The following MAST3 variants were observed in gnomAD, a reference collection of about 807,000 sequenced individuals.
MAST3 encodes microtubule associated serine/threonine kinase 3, also known as microtubule-associated serine/threonine-protein kinase 3.
Under a neutral mutation model 127.0 loss-of-function variants are expected in MAST3, and 43 were observed. The observed-to-expected ratio is 0.34, with a 90% CI of 0.27 to 0.44. The LOEUF is 0.44. MAST3 is among the 20% of genes least tolerant of loss of function. The probability of loss-of-function intolerance (pLI) is 1.00; values close to 1 mark genes in which losing one functional copy is unlikely to be tolerated. For synonymous variants in MAST3, 785 were observed against 809.2 expected, an observed-to-expected ratio of 0.97 and a Z score of 0.51; for missense variants, 1,390 against 1,919.1, an observed-to-expected ratio of 0.72 and a Z score of 5.15.
chr19:18,135,185 C>A (rs1453705462), intron 17 of MAST3, among the ~76,000 whole-genome samples: 1 of 152,076 alleles, frequency 6.6e-6, no homozygotes, highest in Non-Finnish European at 1.5e-5. Context: ...ACTTGTGAGG[C>A]TGGGCACAGT....
intron 11 of MAST3, among the ~76,000 whole-genome samples, 159 bp downstream of exon 11, chr19:18,124,933 C>CG (rs1031616873): frequency 5.1e-5 from 7 of 135,942 alleles, no homozygotes; most frequent in East Asian, 2.1e-4. Flanking sequence ...TGGTGGAAAC[C>CG]CCCCCCCTAC....
At chr19:18,120,180 G>C (rs774573353) in intron 3 of MAST3, among the ~76,000 whole-genome samples, 1 of 152,238 alleles carries the variant, frequency 6.6e-6, no homozygotes, top group Non-Finnish European at 1.5e-5. Flanking sequence ...TTCAGCAGAA[G>C]AGGCAGGACT....
In MAST3 at chr19:18,100,128, C is replaced by CTCTTTTTTT. The variant is rs776661078; in HGVS notation, c.39+2298_39+2299insCTTTTTTTT. Among the ~76,000 whole-genome samples the CTCTTTTTTT allele has an allele frequency of 1.6e-3, 197 of 121,692 alleles. 1 individual carries two copies. Among genetic ancestry groups the CTCTTTTTTT allele is most frequent in the Middle Eastern group, 4.3e-3 (1 of 234 alleles). The allele number at this position is 121,692 out of a possible 152,430, so 79.8% of individuals were successfully genotyped here. A position where few individuals can be genotyped will look rare whatever the true frequency, so the allele number is the denominator to read the frequency against. ...GGCAGAAGGATCTCTCTCTCTCTCT[C>CTCTTTTTTT]TTTTTTTTTTTTTTGAGAAAGAATC... is the stretch of plus-strand genomic sequence containing the variant. On this transcript the variant is annotated intron_variant, in intron 1 of 27. Transcript: ENST00000687212.
rs746073975 is a variant in MAST3, at chr19:18,145,755, G to A, written c.3052G>A (p.Gly1018Arg). The A allele has an allele frequency of 1.2e-5, 19 of 1,586,388 alleles. No individual in the cohort carries two copies. The highest frequency in any genetic ancestry group is 4.7e-5 in the East Asian group (2 of 42,380). The change falls in exon 25 of 28, where the codon GGA becomes AGA. Residue 1018 changes from glycine (G) to arginine (R), a missense_variant. Gly to Arg is a moderately radical substitution (Grantham distance 125). This residue lies in a region of MAST3 where 816 missense variants were observed against 934.1 expected (regional missense o/e 0.87). Coordinates refer to ENST00000687212, the MANE Select transcript of MAST3 (RefSeq NM_001393504.1). The surrounding 1 kb of genome is among the most constrained non-coding windows in gnomAD (Gnocchi z 5.9). The part of the protein sequence containing the change: ...VHHVVWSVED[G>R]SPAQEAGLRA... ...CGTCTGCCCCCAGAGTGTGGAGGAC[G>A]GAAGCCCCGCCCAGGAGGCGGGCCT...
At chr19:18,131,706 G>A (rs1309120138) in intron 14 of MAST3, among the ~76,000 whole-genome samples, 4 of 152,054 alleles carry the variant, frequency 2.6e-5, no homozygotes, top group African/African-American at 9.7e-5. Flanking sequence ...TCAAAAAGAA[G>A]AAAAAATTAA....
chr19:18,139,267 C>A, intron 20 of MAST3, 143 bp downstream of exon 20: 1 of 628,488 alleles, frequency 1.6e-6, no homozygotes, highest in Non-Finnish European at 2.9e-6. Flanking sequence ...TCTCCAACTC[C>A]TGAACTCAAG....
chr19:18,117,894 A>G, intron 3 of MAST3, among the ~76,000 whole-genome samples: 1 of 147,940 alleles, frequency 6.8e-6, no homozygotes, highest in South Asian at 2.1e-4. Context: ...CGCCCCGCCC[A>G]CTCGCCGGCA....
chr19:18,112,884 C>A lies in MAST3; in HGVS notation c.161+2143C>A, dbSNP rs77955472. On this transcript the variant is annotated intron_variant, in intron 3 of 27. Transcript: ENST00000687212. This position sits in a 1 kb window ranked among gnomAD's most constrained non-coding sequence, Gnocchi z 4.1. The stretch of plus-strand genomic sequence containing the variant: ...GCTAGGACAACATCCAGGAACAAGT[C>A]GAGGCATCCACTGAGAATCAGAGAC... Among the ~76,000 whole-genome samples the A allele has an allele frequency of 6.6e-6, 1 of 152,046 alleles. No individual in the cohort carries two copies. Among genetic ancestry groups the A allele is most frequent in the African/African-American group, 2.4e-5 (1 of 41,358 alleles).
At position 18,124,184 on chromosome 19, in the gene MAST3, A is replaced by G. The variant is rs142813212; in HGVS notation, c.843+36A>G. 23,007 of 1,595,258 alleles carry G rather than the reference A, an allele frequency of 0.014. 219 individuals are homozygous for G. The highest frequency in any genetic ancestry group is 0.039 in the African/African-American group (2,943 of 74,582). ...TTTCGCATGTTGAGGTTTTGCATGCAGTGGGACGTGGAGTGAGGGGGGTCC... is the reference window on the plus strand; with the variant it reads ...TTTCGCATGTTGAGGTTTTGCATGCGGTGGGACGTGGAGTGAGGGGGGTCC... On this transcript the variant is annotated intron_variant, in intron 9 of 27. Transcript: ENST00000687212.
intron 21 of MAST3, 91 bp from the exon 22 acceptor site, chr19:18,143,672 G>C: frequency 6.6e-7 from 1 of 1,519,386 alleles, no homozygotes. Flanking sequence ...CTTGACTGCA[G>C]ACTGAGAGTT....
intron 3 of MAST3, among the ~76,000 whole-genome samples, chr19:18,111,208 C>T (rs902075476): frequency 6.6e-6 from 1 of 152,108 alleles, no homozygotes; most frequent in African/African-American, 2.4e-5. Flanking sequence ...CGCTCCCTAA[C>T]CCTTTCCTGA....
rs559921530 is a variant in MAST3 at position 18,122,763 on chromosome 19, C to T, written c.399+12C>T. On this transcript the variant is annotated intron_variant, in intron 6 of 27. Transcript: ENST00000687212. Reference sequence around the variant, plus strand: ...GCTCCACCCTCTCGGTACCCATAGCCCCACCTTGGCAGGTGGACAGGCAGA... The same window carrying T: ...GCTCCACCCTCTCGGTACCCATAGCTCCACCTTGGCAGGTGGACAGGCAGA... 6.2e-7 allele frequency: 1 copy of T among 1,611,704 alleles called. No homozygotes were observed. The highest frequency in any genetic ancestry group is 1.3e-5 in the African/African-American group (1 of 75,024).
rs564233770 is a variant in MAST3 at position 18,144,144 on chromosome 19, C to T, written c.2584+137C>T. 3.2e-5 allele frequency: 41 copies of T among 1,267,918 alleles called. No individual in the cohort carries two copies. The highest frequency in any genetic ancestry group is 4.3e-5 in the Non-Finnish European group (41 of 943,134). The allele number at this position is 1,267,918 out of a possible 1,614,324, so 78.5% of individuals were successfully genotyped here. A position where few individuals can be genotyped will look rare whatever the true frequency, so the allele number is the denominator to read the frequency against. On this transcript the variant is annotated intron_variant, in intron 22 of 27. Transcript: ENST00000687212. The surrounding 1 kb of genome is among the most constrained non-coding windows in gnomAD (Gnocchi z 4.0). ...TTTAAGAGAGGAGAAGCCAGGGTCC[C>T]AGAGAGACCCCCAGCCCCCAAGGAA...
intron 3 of MAST3, among the ~76,000 whole-genome samples, chr19:18,115,783 G>A (rs191064502): frequency 6.6e-6 from 1 of 152,284 alleles, no homozygotes; most frequent in Admixed American, 6.5e-5. Flanking sequence ...TACAAACGTA[G>A]TCCACATCAT....
chr19:18,139,726 G>A (rs1026578019), intron 20 of MAST3, among the ~76,000 whole-genome samples: 12 of 152,128 alleles, frequency 7.9e-5, no homozygotes, highest in Admixed American at 3.9e-4. Context: ...CTCCTAAAGC[G>A]CTGGGATTAC....
At position 18,149,872 on chromosome 19, in the gene MAST3, A is replaced by G; in HGVS notation, c.*146A>G. 1 of 1,177,204 alleles carries G rather than the reference A, an allele frequency of 8.5e-7. No individual in the cohort carries two copies. The highest frequency in any genetic ancestry group is 1.1e-6 in the Non-Finnish European group (1 of 870,294). 72.9% of individuals were successfully genotyped at this position (1,177,204 alleles called of 1,614,324 possible). A position where few individuals can be genotyped will look rare whatever the true frequency, so the allele number is the denominator to read the frequency against. ...CATCTCGGTCCTTGCTGGAAGGTGG[A>G]GACATCGCTTGTGTTCTGGTGTCAA... On this transcript the variant is annotated 3_prime_UTR_variant, in exon 28 of 28. Transcript: ENST00000687212. The surrounding 1 kb of genome is among the most constrained non-coding windows in gnomAD (Gnocchi z 5.9).
intron 11 of MAST3, among the ~76,000 whole-genome samples, chr19:18,125,372 C>A (rs2040492545): frequency 6.6e-6 from 1 of 152,234 alleles, no homozygotes; most frequent in Non-Finnish European, 1.5e-5. Flanking sequence ...TTACCAATTT[C>A]TGTGGCCTTT....
chr19:18,122,042 T>G, intron 5 of MAST3, 120 bp downstream of exon 5: 1 of 1,493,746 alleles, frequency 6.7e-7, no homozygotes, highest in East Asian at 2.5e-5. Flanking sequence ...TCCCCTCCCC[T>G]GGCCCGTCTG....
At chr19:18,121,447 A>G (rs747837221) in intron 3 of MAST3, among the ~76,000 whole-genome samples, 20 of 152,214 alleles carry the variant, frequency 1.3e-4, no homozygotes, top group Non-Finnish European at 2.6e-4. Flanking sequence ...GTGAGCCACC[A>G]TGCCTGGCCA....
Sources: gnomAD v4.1 joint callset for allele counts (sites outside exome capture counted in the v4.1 genomes callset) on GRCh38, gnomAD v4.1.1 for gene constraint, gnomAD v4.1.1 regional missense constraint, Gnocchi (gnomAD v3.1) non-coding constraint, MANE v1.5 for transcripts, NCBI Gene and HGNC (gene_info 2026-07-23, HGNC 2026-07-21) for gene names.